The following ZCWPW2 variants were observed in gnomAD, a reference collection of about 807,000 sequenced individuals.
The protein encoded by ZCWPW2 is zinc finger CW-type and PWWP domain containing 2.
Under a neutral mutation model 46.6 loss-of-function variants are expected in ZCWPW2, and 45 were observed. That is an observed-to-expected ratio of 0.96 (90% CI 0.76 to 1.24). ZCWPW2 has a LOEUF of 1.24. Ranked by LOEUF, ZCWPW2 falls within the 50% of genes most tolerant of loss-of-function variation. ZCWPW2 has a pLI of 0.00. For synonymous variants in ZCWPW2, 152 were observed against 137.1 expected (o/e 1.11, Z -0.76); for missense variants, 429 against 403.9 (o/e 1.06, Z -0.53).
At chr3:28,472,200 C>G (rs1699063944) in intron 4 of ZCWPW2, among the ~76,000 whole-genome samples, 3 of 151,966 alleles carry the variant, frequency 2.0e-5, no homozygotes, top group Admixed American at 1.3e-4. Context: ...CCAATGACAT[C>G]CTTCACAGAA....
chr3:28,391,515 A>T (rs1695489625), intron 2 of ZCWPW2, among the ~76,000 whole-genome samples: 1 of 152,204 alleles, frequency 6.6e-6, no homozygotes, highest in African/African-American at 2.4e-5. Flanking sequence ...TGAAAGAATA[A>T]TTGCAGAAAT....
At chr3:28,422,736 G>A (rs1340452333) in intron 3 of ZCWPW2, among the ~76,000 whole-genome samples, 2 of 152,108 alleles carry the variant, frequency 1.3e-5, no homozygotes, top group African/African-American at 4.8e-5. Flanking sequence ...AAATACCAAG[G>A]ACTGCAATTG....
At chr3:28,420,358 C>T (rs924952550) in intron 3 of ZCWPW2, among the ~76,000 whole-genome samples, 4 of 151,998 alleles carry the variant, frequency 2.6e-5, no homozygotes, top group African/African-American at 9.7e-5. Context: ...TCGTTGGTTT[C>T]AAAGAACATC....
intron 1 of ZCWPW2, among the ~76,000 whole-genome samples, chr3:28,360,349 C>CAAAAAAAA (rs71087692): frequency 5.5e-3 from 299 of 53,948 alleles, no homozygotes; most frequent in African/African-American, 8.9e-3. Flanking sequence ...ACTAAAAATA[C>CAAAAAAAA]AAAAAAAAAA....
At chr3:28,501,523 ACT>A (rs1700142877) in intron 6 of ZCWPW2, among the ~76,000 whole-genome samples, 1 of 152,112 alleles carries the variant, frequency 6.6e-6, no homozygotes, top group African/African-American at 2.4e-5. Context: ...AGCCAACTTG[ACT>A]CAACTTTTTC....
chr3:28,485,750 T>G (rs1699578895), intron 5 of ZCWPW2, among the ~76,000 whole-genome samples: 1 of 152,198 alleles, frequency 6.6e-6, no homozygotes, highest in South Asian at 2.1e-4. Context: ...TTTTTTCTTT[T>G]AATTCATCCA....
In ZCWPW2 at chr3:28,525,318, T is replaced by A. The variant is rs1268714293; in HGVS notation, c.*630T>A. ...CCTGCTGAATCAGTGTCTTTGGAGG[T>A]ATCATCAGGAAGATGGAAAAATGTA... On this transcript the variant is annotated 3_prime_UTR_variant, in exon 10 of 10. Transcript: ENST00000383768. Among the ~76,000 whole-genome samples the A allele has an allele frequency of 3.3e-5, 5 of 152,058 alleles. No individual in the cohort carries two copies. The highest frequency in any genetic ancestry group is 1.2e-4 in the African/African-American group (5 of 41,408).
intron 8 of ZCWPW2, among the ~76,000 whole-genome samples, chr3:28,520,091 G>A (rs934498857): frequency 2.7e-5 from 4 of 148,712 alleles, no homozygotes; most frequent in African/African-American, 7.5e-5. Context: ...TGCAAGCTAC[G>A]CCTCCCGGAT....
At chr3:28,432,402 C>A (rs1171073981) in intron 3 of ZCWPW2, among the ~76,000 whole-genome samples, 1 of 152,174 alleles carries the variant, frequency 6.6e-6, no homozygotes, top group East Asian at 1.9e-4. Flanking sequence ...AGTGAAGTAA[C>A]ACTTGACAGC....
At chr3:28,473,936 T>A (rs1024028199) in intron 4 of ZCWPW2, among the ~76,000 whole-genome samples, 1 of 152,182 alleles carries the variant, frequency 6.6e-6, no homozygotes, top group Admixed American at 6.5e-5. Context: ...ATAGAAAGAA[T>A]GAATAAGACC....
intron 3 of ZCWPW2, among the ~76,000 whole-genome samples, chr3:28,433,572 G>T (rs1697356607): frequency 6.6e-6 from 1 of 152,012 alleles, no homozygotes; most frequent in Non-Finnish European, 1.5e-5. Context: ...TTCGAGACCA[G>T]CCTGACCAAC....
intron 3 of ZCWPW2, among the ~76,000 whole-genome samples, chr3:28,424,641 A>G (rs979480199): frequency 3.3e-5 from 5 of 152,184 alleles, no homozygotes; most frequent in African/African-American, 4.8e-5. Context: ...CTATGAAAAA[A>G]TAAATCTCTA....
At chr3:28,432,045 T>C (rs140192363) in intron 3 of ZCWPW2, among the ~76,000 whole-genome samples, 203 of 152,210 alleles carry the variant, frequency 1.3e-3, no homozygotes, top group African/African-American at 4.5e-3. Context: ...AACAGCAGCA[T>C]TGGGGTAACC....
At chr3:28,504,831 G>A (rs1700235539) in intron 6 of ZCWPW2, among the ~76,000 whole-genome samples, 1 of 152,118 alleles carries the variant, frequency 6.6e-6, no homozygotes, top group Admixed American at 6.6e-5. Context: ...TGCTTTCCAT[G>A]GGGTTCGTCC....
At chr3:28,365,361 A>T (rs1453351683) in intron 1 of ZCWPW2, among the ~76,000 whole-genome samples, 5 of 141,484 alleles carry the variant, frequency 3.5e-5, no homozygotes, top group Non-Finnish European at 7.9e-5. Context: ...CAGCTTTTAC[A>T]TATGGCTAGC....
At chr3:28,449,694 T>C (rs936001439) in intron 4 of ZCWPW2, among the ~76,000 whole-genome samples, 1 of 152,190 alleles carries the variant, frequency 6.6e-6, no homozygotes, top group African/African-American at 2.4e-5. Context: ...TATTTTATCA[T>C]GATAAAAAAT....
chr3:28,417,772 T>C (rs1696665169), intron 3 of ZCWPW2, among the ~76,000 whole-genome samples: 1 of 78,322 alleles, frequency 1.3e-5, no homozygotes, highest in South Asian at 5.3e-4. Context: ...AACCACATGA[T>C]TATCTCAAAA....
At chr3:28,444,668 T>A (rs566556694) in intron 4 of ZCWPW2, among the ~76,000 whole-genome samples, 1 of 152,254 alleles carries the variant, frequency 6.6e-6, no homozygotes, top group African/African-American at 2.4e-5. Flanking sequence ...TTTCAGCTCT[T>A]CCTCTACAGG....
intron 1 of ZCWPW2, among the ~76,000 whole-genome samples, chr3:28,388,843 T>G (rs1440812625): frequency 6.6e-6 from 1 of 152,146 alleles, no homozygotes; most frequent in African/African-American, 2.4e-5. Flanking sequence ...CCTGCCTGTT[T>G]TGGGTTATTA....
Sources: allele counts gnomAD v4.1 joint callset (sites outside exome capture counted in the v4.1 genomes callset), GRCh38; gene constraint gnomAD v4.1.1; transcripts MANE v1.5; gene names NCBI Gene and HGNC (gene_info 2026-07-23, HGNC 2026-07-21).